Variants in MSRB3 observed in about 807,000 individuals in gnomAD.
MSRB3 encodes the protein methionine-R-sulfoxide reductase B3.
In MSRB3, 13 loss-of-function variants were observed where a neutral mutation model predicts 21.0. That is an observed-to-expected ratio of 0.62 (90% confidence interval 0.40 to 0.98). The LOEUF is 0.98. Ranked by LOEUF, MSRB3 falls within the 50% of genes least tolerant of loss-of-function variation. MSRB3 has a pLI of 0.00. For synonymous variants in MSRB3, 87 were observed against 88.6 expected, an observed-to-expected ratio of 0.98 and a Z score of 0.10; for missense variants, 199 against 230.3, an observed-to-expected ratio of 0.86 and a Z score of 0.88.
intron 6 of MSRB3, among the ~76,000 whole-genome samples, chr12:65,455,097 C>T (rs1286494660): frequency 1.3e-5 from 2 of 152,160 alleles, no homozygotes; most frequent in Admixed American, 1.3e-4. Flanking sequence ...ATGGGCCTCC[C>T]TCAGCATTCT....
At chr12:65,438,062 T>C (rs1172721466) in intron 5 of MSRB3, among the ~76,000 whole-genome samples, 1 of 151,992 alleles carries the variant, frequency 6.6e-6, no homozygotes, top group Non-Finnish European at 1.5e-5. Flanking sequence ...ATAGATTCCT[T>C]GTTATGTGAA....
chr12:65,407,673 C>T (rs1373862112), intron 5 of MSRB3, among the ~76,000 whole-genome samples: 1 of 152,098 alleles, frequency 6.6e-6, no homozygotes, highest in Non-Finnish European at 1.5e-5. Flanking sequence ...TTCTGCTATT[C>T]CTATTAAATA....
At chr12:65,437,800 C>G (rs775908505) in intron 5 of MSRB3, among the ~76,000 whole-genome samples, 1 of 151,924 alleles carries the variant, frequency 6.6e-6, no homozygotes, top group East Asian at 1.9e-4. Context: ...TTCAGTTGGA[C>G]AGATGCTCCA....
At chr12:65,336,510 T>G (rs1321408131) in intron 4 of MSRB3, among the ~76,000 whole-genome samples, 2 of 152,254 alleles carry the variant, frequency 1.3e-5, no homozygotes, top group East Asian at 3.8e-4. Context: ...TCGTATTACC[T>G]AAATAACAAT....
intron 2 of MSRB3, among the ~76,000 whole-genome samples, chr12:65,318,994 A>C (rs1874491477): frequency 6.6e-6 from 1 of 152,212 alleles, no homozygotes. Context: ...CATCAGGATG[A>C]ATGTAGTGCT....
At chr12:65,414,148 A>G (rs1250920081) in intron 5 of MSRB3, among the ~76,000 whole-genome samples, 1 of 152,184 alleles carries the variant, frequency 6.6e-6, no homozygotes, top group African/African-American at 2.4e-5. Context: ...GATGGTTTTG[A>G]ATAGAGGAGT....
chr12:65,399,348 A>G (rs1879990841), intron 5 of MSRB3, among the ~76,000 whole-genome samples: 1 of 151,736 alleles, frequency 6.6e-6, no homozygotes, highest in Admixed American at 6.6e-5. Flanking sequence ...TTTCCTAGGT[A>G]TTTTATTCTC....
chr12:65,285,024 T>A (rs1468131461), intron 1 of MSRB3: 3 of 152,218 alleles, frequency 2.0e-5, no homozygotes, highest in African/African-American at 7.2e-5. Context: ...CGTTCCTCAC[T>A]CTTCTTCCCC....
At chr12:65,294,200 C>T (rs114265786) in intron 1 of MSRB3, among the ~76,000 whole-genome samples, 74 of 152,274 alleles carry the variant, frequency 4.9e-4, no homozygotes, top group African/African-American at 1.7e-3. Flanking sequence ...CTTCCAACGT[C>T]AGAAGTGCTT....
chr12:65,449,227 C>T (rs969448862), intron 5 of MSRB3, among the ~76,000 whole-genome samples: 24 of 142,026 alleles, frequency 1.7e-4, no homozygotes, highest in Non-Finnish European at 2.6e-4. Context: ...TTTGTAGAGG[C>T]GGGGTTTCAT....
intron 4 of MSRB3, among the ~76,000 whole-genome samples, chr12:65,339,116 C>G (rs1251736634): frequency 6.6e-6 from 1 of 152,044 alleles, no homozygotes; most frequent in Non-Finnish European, 1.5e-5. Flanking sequence ...CCAGACATTC[C>G]AGACAGAGAC....
chr12:65,355,069 A>G (rs1208567533), intron 4 of MSRB3, among the ~76,000 whole-genome samples: 1 of 151,850 alleles, frequency 6.6e-6, no homozygotes, highest in Non-Finnish European at 1.5e-5. Flanking sequence ...GCTAGAAATG[A>G]GGGAAAGAGG....
intron 1 of MSRB3, among the ~76,000 whole-genome samples, chr12:65,287,968 T>A (rs1872470813): frequency 6.6e-6 from 1 of 152,016 alleles, no homozygotes; most frequent in African/African-American, 2.4e-5. Context: ...TTTTCATATC[T>A]GCAAAATGAA....
intron 6 of MSRB3, 122 bp from the exon 7 acceptor site, chr12:65,463,033 A>G (rs758097802): frequency 1.6e-4 from 191 of 1,230,264 alleles, no homozygotes; most frequent in South Asian, 6.6e-4. Context: ...ATTAGAAATC[A>G]TCCACGATGG....
intron 4 of MSRB3, among the ~76,000 whole-genome samples, chr12:65,329,251 C>A (rs1439549147): frequency 6.6e-6 from 1 of 152,130 alleles, no homozygotes; most frequent in Non-Finnish European, 1.5e-5. Context: ...AAAGGGAAAT[C>A]TTTACCAAAA....
intron 1 of MSRB3, among the ~76,000 whole-genome samples, chr12:65,280,207 A>C (rs1253828726): frequency 6.6e-6 from 1 of 152,224 alleles, no homozygotes; most frequent in Non-Finnish European, 1.5e-5. Context: ...TCAATTTGCA[A>C]TTTGTAAATA....
intron 5 of MSRB3, among the ~76,000 whole-genome samples, chr12:65,372,234 T>C (rs2136540187): frequency 6.6e-6 from 1 of 152,314 alleles, no homozygotes; most frequent in South Asian, 2.1e-4. Context: ...GTCCTATTTG[T>C]GGTGAATTGT....
chr12:65,302,509 C>T (rs1312997065), intron 1 of MSRB3, among the ~76,000 whole-genome samples: 1 of 152,076 alleles, frequency 6.6e-6, no homozygotes, highest in East Asian at 1.9e-4. Flanking sequence ...TCATCAGCAC[C>T]TGATACATTG....
At chr12:65,433,208 G>T (rs561380718) in intron 5 of MSRB3, among the ~76,000 whole-genome samples, 21 of 151,800 alleles carry the variant, frequency 1.4e-4, no homozygotes, top group Admixed American at 1.2e-3. Context: ...TAGCCAAAAG[G>T]TATTTTTTTC....
Sources: allele counts gnomAD v4.1 joint callset (sites outside exome capture counted in the v4.1 genomes callset), GRCh38; gene constraint gnomAD v4.1.1; transcripts MANE v1.5; gene names NCBI Gene and HGNC (gene_info 2026-07-23, HGNC 2026-07-21).